Variants in EXOC4 observed in about 807,000 individuals in gnomAD.
EXOC4 encodes the protein exocyst complex component 4, also known as SEC8-like 1.
A neutral mutation model predicts 107.2 loss-of-function variants in EXOC4; 71 were observed. The ratio of observed to expected loss-of-function variants is 0.66; its 90% CI spans 0.55 to 0.81. EXOC4 has a LOEUF of 0.81. Among genes scored for constraint, EXOC4 ranks in the 30% least tolerant of loss-of-function variants. The probability of loss-of-function intolerance (pLI) is 0.00; values close to 1 mark genes in which losing one functional copy is unlikely to be tolerated. For missense variants in EXOC4, 1,108 were observed against 1,189.6 expected, an observed-to-expected ratio of 0.93 and a Z score of 1.01; for synonymous variants, 456 against 441.2, an observed-to-expected ratio of 1.03 and a Z score of -0.42.
chr7:133,419,505 T>C (rs1025248815), intron 7 of EXOC4, among the ~76,000 whole-genome samples: 4 of 152,150 alleles, frequency 2.6e-5, no homozygotes, highest in Non-Finnish European at 4.4e-5. Context: ...AAAATCTGTA[T>C]GATGGGAGAT....
chr7:133,911,417 C>A (rs747767338), intron 12 of EXOC4, among the ~76,000 whole-genome samples: 2 of 152,116 alleles, frequency 1.3e-5, no homozygotes, highest in Non-Finnish European at 2.9e-5. Flanking sequence ...GCCAGTATTT[C>A]AAATTAGAAT....
At chr7:133,955,797 G>A (rs1247950883) in intron 14 of EXOC4, among the ~76,000 whole-genome samples, 1 of 152,266 alleles carries the variant, frequency 6.6e-6, no homozygotes, top group East Asian at 1.9e-4. Context: ...GGGCTGGCGT[G>A]TCAGCACTTC....
At chr7:133,896,633 C>A (rs1799315297) in intron 12 of EXOC4, among the ~76,000 whole-genome samples, 2 of 149,760 alleles carry the variant, frequency 1.3e-5, no homozygotes, top group Admixed American at 1.3e-4. Context: ...AAGACAGTTG[C>A]CCCCTATTTT....
chr7:134,030,956 C>T (rs1232001305), intron 17 of EXOC4, among the ~76,000 whole-genome samples: 2 of 152,094 alleles, frequency 1.3e-5, no homozygotes, highest in Non-Finnish European at 2.9e-5. Flanking sequence ...TGATCTCCTA[C>T]AACATACAAC....
chr7:133,458,646 G>C (rs1798518330), intron 7 of EXOC4, among the ~76,000 whole-genome samples: 1 of 152,180 alleles, frequency 6.6e-6, no homozygotes, highest in African/African-American at 2.4e-5. Context: ...GATCAGGTCT[G>C]AGGGGACACC....
At chr7:134,010,824 C>T (rs10277436) in intron 17 of EXOC4, among the ~76,000 whole-genome samples, 2,631 of 152,268 alleles carry the variant, frequency 0.017, 87 homozygotes, top group African/African-American at 0.06. Context: ...AAATATAACA[C>T]CTTTCTGTAA....
chr7:133,940,839 A>G (rs1585264505), intron 14 of EXOC4, among the ~76,000 whole-genome samples: 1 of 151,456 alleles, frequency 6.6e-6, no homozygotes, highest in South Asian at 2.1e-4. Context: ...CCAAGTCTGG[A>G]GACTAGAGAA....
At chr7:133,309,068 T>C (rs1223652244) in intron 4 of EXOC4, among the ~76,000 whole-genome samples, 1 of 152,208 alleles carries the variant, frequency 6.6e-6, no homozygotes, top group Non-Finnish European at 1.5e-5. Flanking sequence ...ATCTGGGACA[T>C]AGATTGGTGC....
intron 17 of EXOC4, among the ~76,000 whole-genome samples, chr7:134,044,322 A>G (rs1795594020): frequency 6.6e-6 from 1 of 152,176 alleles, no homozygotes; most frequent in Non-Finnish European, 1.5e-5. Flanking sequence ...GAGATTTTTG[A>G]AAGCACTAGA....
At chr7:133,495,980 C>T (rs1012775647) in intron 9 of EXOC4, among the ~76,000 whole-genome samples, 3 of 152,040 alleles carry the variant, frequency 2.0e-5, no homozygotes, top group African/African-American at 7.2e-5. Context: ...TTTTACCATT[C>T]TCTTGAGTGT....
At chr7:133,404,098 C>CT (rs1032144165) in intron 7 of EXOC4, among the ~76,000 whole-genome samples, 36 of 151,994 alleles carry the variant, frequency 2.4e-4, no homozygotes, top group Non-Finnish European at 4.4e-4. Context: ...CCCTCCTTAA[C>CT]TTTTTTTTGT....
chr7:134,006,104 A>G (rs980399021), intron 16 of EXOC4, among the ~76,000 whole-genome samples: 2 of 152,152 alleles, frequency 1.3e-5, no homozygotes, highest in African/African-American at 4.8e-5. Flanking sequence ...CTTTTCTGTT[A>G]TTACACCGAG....
chr7:133,580,569 G>A (rs1018359068), intron 9 of EXOC4, among the ~76,000 whole-genome samples: 2 of 152,090 alleles, frequency 1.3e-5, no homozygotes, highest in Non-Finnish European at 2.9e-5. Flanking sequence ...AGATTCAAAC[G>A]ATTCAGAGAG....
chr7:133,745,916 A>G (rs1795667348), intron 10 of EXOC4, among the ~76,000 whole-genome samples: 1 of 152,076 alleles, frequency 6.6e-6, no homozygotes, highest in African/African-American at 2.4e-5. Flanking sequence ...AGTACGTGTT[A>G]AGTGAATATG....
At chr7:133,913,972 A>G (rs1255017691) in intron 12 of EXOC4, among the ~76,000 whole-genome samples, 1 of 152,188 alleles carries the variant, frequency 6.6e-6, no homozygotes, top group Non-Finnish European at 1.5e-5. Flanking sequence ...AAAGAATAGT[A>G]TTTCAAGAAG....
At chr7:133,611,697 T>A (rs940749232) in intron 9 of EXOC4, among the ~76,000 whole-genome samples, 1 of 152,046 alleles carries the variant, frequency 6.6e-6, no homozygotes, top group Non-Finnish European at 1.5e-5. Flanking sequence ...ACAGACTAAC[T>A]CCTACCCATT....
At chr7:133,823,845 ATATATATATATATATATATATATATAT>A (rs1305955064) in intron 11 of EXOC4, among the ~76,000 whole-genome samples, 1 of 1,580 alleles carries the variant, frequency 6.3e-4, no homozygotes, top group Admixed American at 3.9e-3. Context: ...TATATATATT[ATATATATATATATATATATATATATAT>A]TATATATATA....
At chr7:133,656,488 C>A (rs1049103862) in intron 10 of EXOC4, among the ~76,000 whole-genome samples, 2 of 151,902 alleles carry the variant, frequency 1.3e-5, no homozygotes, top group African/African-American at 4.8e-5. Context: ...CCCTCAAATA[C>A]AGAAAAAGCG....
At chr7:133,771,608 GA>G (rs1219258369) in intron 10 of EXOC4, 1 of 151,996 alleles carries the variant, frequency 6.6e-6, no homozygotes, top group Non-Finnish European at 1.5e-5. Context: ...CAAAATGAGA[GA>G]AAATAAGGCT....
Sources: allele counts gnomAD v4.1 joint callset (sites outside exome capture counted in the v4.1 genomes callset), GRCh38; gene constraint gnomAD v4.1.1; transcripts MANE v1.5; gene names NCBI Gene and HGNC (gene_info 2026-07-23, HGNC 2026-07-21).